Variants in MMP26 observed in about 807,000 individuals in gnomAD.
The protein encoded by MMP26 is matrix metalloproteinase-26.
Under a neutral mutation model 31.0 loss-of-function variants are expected in MMP26, and 33 were observed. That is an observed-to-expected ratio of 1.06 (90% CI 0.81 to 1.42). The LOEUF is 1.42. Ranked by LOEUF, MMP26 falls within the 40% of genes most tolerant of loss-of-function variation. MMP26 has a pLI of 0.00. For missense variants in MMP26, 347 were observed against 316.1 expected, an observed-to-expected ratio of 1.10 and a Z score of -0.74; for synonymous variants, 122 against 114.9, an observed-to-expected ratio of 1.06 and a Z score of -0.40.
intron 1 of MMP26, among the ~76,000 whole-genome samples, chr11:4,722,132 C>T (rs1321357576): frequency 6.6e-6 from 1 of 152,222 alleles, no homozygotes; most frequent in Non-Finnish European, 1.5e-5. Flanking sequence ...GCCTGCAAAA[C>T]TGTGAGCCAG....
intron 2 of MMP26, among the ~76,000 whole-genome samples, chr11:4,768,276 C>T (rs1306508582): frequency 6.6e-6 from 1 of 152,094 alleles, no homozygotes; most frequent in East Asian, 1.9e-4. Flanking sequence ...TGTGCCTCAC[C>T]CCTAAAGCTT....
chr11:4,789,049 T>G (rs574220515), intron 2 of MMP26, among the ~76,000 whole-genome samples: 1 of 152,270 alleles, frequency 6.6e-6, no homozygotes, highest in African/African-American at 2.4e-5. Context: ...TGTGGGTAAG[T>G]GGAAGTAAAG....
chr11:4,758,366 A>G (rs893855961), intron 1 of MMP26, among the ~76,000 whole-genome samples: 1 of 151,650 alleles, frequency 6.6e-6, no homozygotes, highest in Non-Finnish European at 1.5e-5. Flanking sequence ...AAGAGGCACA[A>G]GTGAACATTG....
At chr11:4,870,186 C>T (rs1027161794) in intron 2 of MMP26, among the ~76,000 whole-genome samples, 1 of 151,710 alleles carries the variant, frequency 6.6e-6, no homozygotes, top group East Asian at 1.9e-4. Context: ...CAAACCTGCT[C>T]GTTGTGCACT....
chr11:4,743,243 C>G (rs1207779035), intron 1 of MMP26, among the ~76,000 whole-genome samples: 1 of 152,152 alleles, frequency 6.6e-6, no homozygotes, highest in African/African-American at 2.4e-5. Flanking sequence ...ATCAGGTTTT[C>G]AAACACTTGA....
rs905056679 is a variant in MMP26, at chr11:4,742,926, T to A, written c.-216-24344T>A. Among the ~76,000 whole-genome samples the A allele has an allele frequency of 5.9e-5, 9 of 152,256 alleles. 1 individual carries two copies. In the South Asian group the frequency reaches 1.7e-3, roughly 28 times the overall value. ...ATTACAGGGTATTAGCCATGCAAGA[T>A]AAAAAATTAGAGAGGTTAAATAATT... On this transcript the variant is annotated intron_variant, in intron 1 of 7. Transcript: ENST00000380390.
chr11:4,919,965 A>T (rs1187969630), intron 2 of MMP26, among the ~76,000 whole-genome samples: 1 of 152,146 alleles, frequency 6.6e-6, no homozygotes, highest in East Asian at 1.9e-4. Context: ...AAACTAATCC[A>T]TTCTTGTACA....
rs71050424 is a variant in MMP26 at position 4,716,650 on chromosome 11, C to CTTTTTTTTTTTT, written c.-217+11622_-217+11633dup. Among the ~76,000 whole-genome samples, 28 of 65,042 alleles carry CTTTTTTTTTTTT rather than the reference C, an allele frequency of 4.3e-4. 6 individuals are homozygous for CTTTTTTTTTTTT. Among genetic ancestry groups the CTTTTTTTTTTTT allele is most frequent in the African/African-American group, 1.1e-3 (16 of 14,748 alleles). The allele number at this position is 65,042 out of a possible 152,430, so 42.7% of individuals were successfully genotyped here. On this transcript the variant is annotated intron_variant, in intron 1 of 7. Transcript: ENST00000380390. ...ATTCCATACTTGATCTCTCTTACCT[C>CTTTTTTTTTTTT]TTTTTTTTTTTTTTTTTTTTTTTTT... is the stretch of plus-strand genomic sequence containing the variant.
At chr11:4,727,336 A>G (rs4329682) in intron 1 of MMP26, among the ~76,000 whole-genome samples, 95,877 of 152,082 alleles carry the variant, frequency 0.63, 31,323 homozygotes, top group African/African-American at 0.8. Flanking sequence ...TGCTCACTGG[A>G]CATCACATGG....
chr11:4,837,724 T>C (rs943521472), intron 2 of MMP26, among the ~76,000 whole-genome samples: 2 of 152,056 alleles, frequency 1.3e-5, no homozygotes, highest in African/African-American at 4.8e-5. Context: ...CATTATATAC[T>C]TGAAGGTTCT....
intron 2 of MMP26, among the ~76,000 whole-genome samples, chr11:4,829,490 T>C (rs996791227): frequency 6.6e-6 from 1 of 152,178 alleles, no homozygotes; most frequent in Admixed American, 6.6e-5. Flanking sequence ...CTGCACAACT[T>C]GCCAGCAGAA....
chr11:4,947,469 T>C (rs1846329957), intron 2 of MMP26: 1 of 169,380 alleles, frequency 5.9e-6, no homozygotes, highest in Non-Finnish European at 1.2e-5. Flanking sequence ...TGTTCTGACC[T>C]TCAGTTCTAT....
chr11:4,776,056 T>A (rs1848787566), intron 2 of MMP26, among the ~76,000 whole-genome samples: 1 of 152,148 alleles, frequency 6.6e-6, no homozygotes, highest in Admixed American at 6.5e-5. Context: ...GTACTTGACT[T>A]TATTTCTGAG....
Position 4,988,122 on chromosome 11 carries a change from A to G in MMP26, c.-90A>G. 2.7e-6 allele frequency: 3 copies of G among 1,121,838 alleles called. No homozygotes were observed. The highest frequency in any genetic ancestry group is 4.1e-6 in the Non-Finnish European group (3 of 731,754). The allele number at this position is 1,121,838 out of a possible 1,614,324, so 69.5% of individuals were successfully genotyped here. On this transcript the variant is annotated 5_prime_UTR_variant, in exon 3 of 8. Transcript: ENST00000380390. The stretch of plus-strand genomic sequence containing the variant: ...AAAGAAAGGGCAAACTGGCAGAGTG[A>G]GTCATTGGATGTTGCTGGCACAGCT...
intron 2 of MMP26, chr11:4,946,443 T>C (rs1336332201): frequency 6.2e-7 from 1 of 1,609,602 alleles, no homozygotes; most frequent in Non-Finnish European, 8.5e-7. Context: ...AGGATCAGGG[T>C]GTAAGACACA....
In MMP26 at chr11:4,986,932, C is replaced by CTCCCTCTCT. The variant is rs1564819722; in HGVS notation, c.-144-1136_-144-1135insTCCCTCTCT. ...CTCTCTCTCTCTCTCTCTCTCTCTC[C>CTCCCTCTCT]CTCTCTCTCTCTCTCTCTCTCTCTC... is the stretch of plus-strand genomic sequence containing the variant. On this transcript the variant is annotated intron_variant, in intron 2 of 7. Coordinates refer to ENST00000380390, the MANE Select transcript of MMP26 (RefSeq NM_021801.5). Among the ~76,000 whole-genome samples, 11 of 60,440 alleles carry CTCCCTCTCT rather than the reference C, an allele frequency of 1.8e-4. No individual in the cohort carries two copies. In the South Asian group the frequency reaches 2.0e-3, roughly 11 times the overall value. 39.7% of individuals were successfully genotyped at this position (60,440 alleles called of 152,430 possible).
chr11:4,729,455 C>G (rs144094081), intron 1 of MMP26, among the ~76,000 whole-genome samples: 204 of 149,918 alleles, frequency 1.4e-3, no homozygotes, highest in African/African-American at 2.0e-3. Flanking sequence ...CTGCCCCAGA[C>G]AGAGAGGGGC....
chr11:4,982,814 T>C (rs1286673527), intron 2 of MMP26, among the ~76,000 whole-genome samples: 2 of 152,204 alleles, frequency 1.3e-5, no homozygotes, highest in Non-Finnish European at 2.9e-5. Flanking sequence ...AAACCTATAC[T>C]CTAATCAAAA....
At chr11:4,813,969 G>T (rs1055932185) in intron 2 of MMP26, among the ~76,000 whole-genome samples, 3 of 152,080 alleles carry the variant, frequency 2.0e-5, no homozygotes, top group South Asian at 2.1e-4. Flanking sequence ...ACAAGCAAAG[G>T]GTTTAAACAG....
Sources: gnomAD v4.1 joint callset for allele counts (sites outside exome capture counted in the v4.1 genomes callset) on GRCh38, gnomAD v4.1.1 for gene constraint, MANE v1.5 for transcripts, NCBI Gene and HGNC (gene_info 2026-07-23, HGNC 2026-07-21) for gene names.